IGSF11: variants seen among roughly 807,000 people sequenced by gnomAD.
IGSF11 encodes CXADR like 1.
Under a neutral mutation model 41.0 loss-of-function variants are expected in IGSF11, and 22 were observed. The observed-to-expected ratio is 0.54, with a 90% confidence interval of 0.38 to 0.77. The LOEUF (loss-of-function observed/expected upper bound fraction) is 0.77, where lower values mean the gene tolerates loss of function less well. Ranked by LOEUF, IGSF11 falls within the 30% of genes least tolerant of loss-of-function variation. The probability of loss-of-function intolerance (pLI) is 0.00; values close to 1 mark genes in which losing one functional copy is unlikely to be tolerated. For synonymous variants in IGSF11, 219 were observed against 201.3 expected, an observed-to-expected ratio of 1.09 and a Z score of -0.74; for missense variants, 444 against 530.8, an observed-to-expected ratio of 0.84 and a Z score of 1.61.
chr3:119,113,962 G>A (rs77662537), intron 1 of IGSF11, among the ~76,000 whole-genome samples: 1,842 of 152,356 alleles, frequency 0.012, 28 homozygotes, highest in African/African-American at 0.043. Context: ...CTTACAGATT[G>A]CATCCTTTGA....
chr3:118,913,950 A>G (rs1205341453), intron 4 of IGSF11, among the ~76,000 whole-genome samples: 1 of 152,212 alleles, frequency 6.6e-6, no homozygotes, highest in Non-Finnish European at 1.5e-5. Context: ...AAAAATGGCT[A>G]ATAGGAGAGA....
upstream of IGSF11, chr3:119,105,368 A>G (rs2077005990): frequency 1.8e-6 from 1 of 560,934 alleles, no homozygotes. Context: ...TCATCAGACC[A>G]ATTAATCACA....
intron 1 of IGSF11, among the ~76,000 whole-genome samples, chr3:118,946,202 ACG>A (rs199605032): frequency 6.8e-6 from 1 of 146,694 alleles, no homozygotes; most frequent in Non-Finnish European, 1.5e-5. Flanking sequence ...ACACACACAC[ACG>A]CACACACACA....
chr3:118,908,167 C>T (rs1047433548), intron 4 of IGSF11, among the ~76,000 whole-genome samples: 6 of 152,130 alleles, frequency 3.9e-5, no homozygotes, highest in Non-Finnish European at 7.3e-5. Context: ...TTTTAAACAG[C>T]TCCTCTACGC....
At chr3:119,029,292 A>C (rs1261299543) in intron 1 of IGSF11, among the ~76,000 whole-genome samples, 1 of 145,892 alleles carries the variant, frequency 6.9e-6, no homozygotes, top group Non-Finnish European at 1.5e-5. Flanking sequence ...GAGAGAGAGA[A>C]TGCGAGAGAG....
At chr3:119,052,258 T>A (rs2107437241) in intron 1 of IGSF11, among the ~76,000 whole-genome samples, 1 of 152,152 alleles carries the variant, frequency 6.6e-6, no homozygotes, top group South Asian at 2.1e-4. Flanking sequence ...GGTGGGTGGA[T>A]CACTTGAGGC....
upstream of IGSF11, among the ~76,000 whole-genome samples, chr3:119,105,524 CCTT>C (rs1415089833): frequency 2.0e-5 from 3 of 152,150 alleles, no homozygotes; most frequent in East Asian, 5.8e-4. Context: ...GAGACTTTGA[CCTT>C]CTTTATCTCC....
intron 1 of IGSF11, among the ~76,000 whole-genome samples, chr3:118,969,318 G>C (rs746366893): frequency 6.6e-4 from 100 of 152,304 alleles, no homozygotes; most frequent in Non-Finnish European, 1.2e-3. Flanking sequence ...CAAAAAAAGA[G>C]GAAGGAGACA....
At chr3:118,963,391 A>C (rs547886176) in intron 1 of IGSF11, among the ~76,000 whole-genome samples, 1 of 152,348 alleles carries the variant, frequency 6.6e-6, no homozygotes, top group South Asian at 2.1e-4. Context: ...AGAAGTCAGC[A>C]ATTACATGAT....
intron 1 of IGSF11, among the ~76,000 whole-genome samples, chr3:119,026,450 A>G (rs996109849): frequency 3.9e-5 from 6 of 152,228 alleles, no homozygotes; most frequent in Non-Finnish European, 1.5e-5. Flanking sequence ...TCTTACTAAC[A>G]GTAGAGTTTT....
At position 119,126,310 on chromosome 3, in the gene IGSF11, C is replaced by T. The variant is rs548492803; in HGVS notation, c.-14+19503G>A. Among the ~76,000 whole-genome samples, 3 of 152,342 alleles carry T rather than the reference C, an allele frequency of 2.0e-5. No individual in the cohort carries two copies. The South Asian group carries it at 6.2e-4, about 32-fold the overall frequency. On this transcript the variant is annotated intron_variant, in intron 1 of 7. Transcript: ENST00000425327. Reference sequence around the variant, plus strand: ...CCCTGACCCATCCTTCCTCAGTGGGCGGGGCTTCCCTGCAGGATCTCCAGT... The same window carrying T: ...CCCTGACCCATCCTTCCTCAGTGGGTGGGGCTTCCCTGCAGGATCTCCAGT...
intron 1 of IGSF11, among the ~76,000 whole-genome samples, chr3:118,956,592 C>T (rs9811829): frequency 0.029 from 4,454 of 152,196 alleles, 235 homozygotes; most frequent in African/African-American, 0.1. Flanking sequence ...GTGGAGCAGT[C>T]GGAACACACA....
chr3:118,947,159 T>G (rs1944215371), intron 1 of IGSF11: 1 of 152,214 alleles, frequency 6.6e-6, no homozygotes, highest in South Asian at 2.1e-4. Flanking sequence ...CCCTAAGAAC[T>G]AGAGAGGGAG....
At position 118,916,035 on chromosome 3, in the gene IGSF11, A is replaced by C. The variant is rs1037280260; in HGVS notation, c.580+10066T>G. 6.1e-5 allele frequency among the ~76,000 whole-genome samples: 9 copies of C among 147,304 alleles called. No individual in the cohort carries two copies. In the East Asian group the frequency reaches 1.4e-3, roughly 23 times the overall value. The stretch of plus-strand genomic sequence containing the variant: ...TTCATAAGTGAAGGAGAAATAAAAT[A>C]CTTTACAGACAAGCAAATGCTGAGA... On this transcript the variant is annotated intron_variant, in intron 4 of 6. Coordinates refer to ENST00000393775, the MANE Select transcript of IGSF11 (RefSeq NM_001015887.3).
At chr3:119,020,205 C>T (rs1478451888) in intron 1 of IGSF11, among the ~76,000 whole-genome samples, 1 of 152,162 alleles carries the variant, frequency 6.6e-6, no homozygotes, top group Non-Finnish European at 1.5e-5. Flanking sequence ...TCTTGAAATC[C>T]CTGCACAGAC....
At chr3:119,107,375 T>C (rs559830130), upstream of IGSF11, among the ~76,000 whole-genome samples, 1 of 152,262 alleles carries the variant, frequency 6.6e-6, no homozygotes, top group East Asian at 1.9e-4. Context: ...TTTGGCTGCA[T>C]AAATGTCTTC....
intron 1 of IGSF11, among the ~76,000 whole-genome samples, chr3:119,137,958 T>C (rs1238013790): frequency 6.7e-6 from 1 of 148,402 alleles, no homozygotes; most frequent in Non-Finnish European, 1.5e-5. Context: ...TATGAAAAAG[T>C]GCACAACATC....
intron 1 of IGSF11, among the ~76,000 whole-genome samples, chr3:119,111,054 T>C (rs558996628): frequency 1.3e-5 from 2 of 152,212 alleles, no homozygotes; most frequent in South Asian, 4.2e-4. Flanking sequence ...TTGGTGAATC[T>C]GACAATTATG....
Position 119,034,719 on chromosome 3 carries a change from A to G in IGSF11, c.-137T>C. ...CGCCGGGCCGCTGTTCCCCGCGCAG[A>G]GCTGGGACTGTCAGACCCACAGACG... On this transcript the variant is annotated 5_prime_UTR_variant, in exon 1 of 7. Transcript: ENST00000393775. 3 of 1,367,592 alleles carry G rather than the reference A, an allele frequency of 2.2e-6. No homozygotes were observed. Among genetic ancestry groups the G allele is most frequent in the Non-Finnish European group, 2.8e-6 (3 of 1,056,252 alleles). 84.7% of individuals were successfully genotyped at this position (1,367,592 alleles called of 1,614,324 possible).
Sources: allele counts gnomAD v4.1 joint callset (sites outside exome capture counted in the v4.1 genomes callset), GRCh38; gene constraint gnomAD v4.1.1; transcripts MANE v1.5; gene names NCBI Gene and HGNC (gene_info 2026-07-23, HGNC 2026-07-21).